ZNF385D: variants seen among roughly 807,000 people sequenced by gnomAD.
ZNF385D encodes zinc finger protein 659.
A neutral mutation model predicts 35.8 loss-of-function variants in ZNF385D; 15 were observed. The ratio of observed to expected loss-of-function variants is 0.42; its 90% CI spans 0.28 to 0.64. The LOEUF is 0.64. Ranked by LOEUF, ZNF385D falls within the 30% of genes least tolerant of loss-of-function variation. The pLI, the probability that ZNF385D is intolerant of heterozygous loss-of-function variation, is 0.23. For missense variants in ZNF385D, 474 were observed against 494.6 expected (o/e 0.96, Z 0.39); for synonymous variants, 212 against 186.8 (o/e 1.13, Z -1.10).
At chr3:21,450,080 C>A (rs557566034) in intron 4 of ZNF385D, among the ~76,000 whole-genome samples, 2 of 152,146 alleles carry the variant, frequency 1.3e-5, no homozygotes, top group Admixed American at 1.3e-4. Flanking sequence ...AATGTATTGA[C>A]CTTGTCAAGT....
intron 3 of ZNF385D, among the ~76,000 whole-genome samples, chr3:22,134,750 C>T (rs1216206056): frequency 6.6e-6 from 1 of 152,072 alleles, no homozygotes; most frequent in Non-Finnish European, 1.5e-5. Flanking sequence ...CCATAGCTGG[C>T]AAGGGCCTCC....
chr3:21,916,247 G>C (rs1575906896), intron 3 of ZNF385D, among the ~76,000 whole-genome samples: 2 of 152,074 alleles, frequency 1.3e-5, no homozygotes, highest in South Asian at 4.1e-4. Flanking sequence ...AAGTAATAAA[G>C]CTTTTCTAGA....
chr3:21,739,590 C>CA (rs1034855091), intron 1 of ZNF385D, among the ~76,000 whole-genome samples: 8 of 152,068 alleles, frequency 5.3e-5, no homozygotes, highest in African/African-American at 1.7e-4. Flanking sequence ...AAGCAGCGAA[C>CA]AAAAAAACAT....
chr3:22,066,642 C>G (rs1319340068), intron 3 of ZNF385D, among the ~76,000 whole-genome samples: 1 of 150,160 alleles, frequency 6.7e-6, no homozygotes, highest in South Asian at 2.1e-4. Flanking sequence ...ATTATAAGAT[C>G]AGGGCAGCTT....
chr3:21,837,371 T>C (rs377166036), intron 3 of ZNF385D, among the ~76,000 whole-genome samples: 6 of 152,250 alleles, frequency 3.9e-5, no homozygotes, highest in East Asian at 3.9e-4. Flanking sequence ...CTCATGTAGC[T>C]GTTTTCAGCT....
intron 2 of ZNF385D, among the ~76,000 whole-genome samples, chr3:22,332,606 T>C (rs1337207165): frequency 6.6e-6 from 1 of 152,114 alleles, no homozygotes; most frequent in Non-Finnish European, 1.5e-5. Flanking sequence ...TTCAGTAAGA[T>C]AATTAAAAAG....
chr3:21,771,388 C>T (rs2071072640), intron 3 of ZNF385D, among the ~76,000 whole-genome samples: 1 of 151,692 alleles, frequency 6.6e-6, no homozygotes, highest in Non-Finnish European at 1.5e-5. Context: ...ATAGAATTTT[C>T]AGAGTTACCA....
intron 3 of ZNF385D, among the ~76,000 whole-genome samples, chr3:22,063,676 C>G (rs1025327785): frequency 6.6e-6 from 1 of 152,166 alleles, no homozygotes; most frequent in Non-Finnish European, 1.5e-5. Context: ...ATGCTGCGTG[C>G]TGATAGCCCT....
At chr3:22,151,053 T>A (rs1705197975) in intron 3 of ZNF385D, among the ~76,000 whole-genome samples, 1 of 152,178 alleles carries the variant, frequency 6.6e-6, no homozygotes, top group African/African-American at 2.4e-5. Context: ...TTTTTTAGAT[T>A]CACTAGTGCA....
intron 3 of ZNF385D, among the ~76,000 whole-genome samples, chr3:22,063,252 T>A (rs1474075867): frequency 3.3e-5 from 5 of 152,172 alleles, no homozygotes; most frequent in African/African-American, 9.7e-5. Context: ...ATTAAACAAT[T>A]TATTGTAGTG....
chr3:22,268,603 T>C (rs2125357349), intron 2 of ZNF385D, among the ~76,000 whole-genome samples: 1 of 152,214 alleles, frequency 6.6e-6, no homozygotes, highest in East Asian at 1.9e-4. Context: ...AAAATTTTAG[T>C]TGCAAGATAA....
At chr3:22,335,819 A>T (rs945672860) in intron 2 of ZNF385D, among the ~76,000 whole-genome samples, 2 of 152,150 alleles carry the variant, frequency 1.3e-5, no homozygotes, top group African/African-American at 4.8e-5. Flanking sequence ...TTAAAATATT[A>T]ATTTGTAAAC....
intron 3 of ZNF385D, among the ~76,000 whole-genome samples, chr3:22,143,454 CA>C (rs1704654155): frequency 6.6e-6 from 1 of 152,124 alleles, no homozygotes; most frequent in Non-Finnish European, 1.5e-5. Context: ...ACCTTTTTCA[CA>C]CTCCCACACC....
At chr3:22,120,457 A>G (rs1354384676) in intron 3 of ZNF385D, among the ~76,000 whole-genome samples, 2 of 152,112 alleles carry the variant, frequency 1.3e-5, no homozygotes, top group Non-Finnish European at 2.9e-5. Flanking sequence ...TACTTTTTTA[A>G]GAGTTCTATC....
At chr3:21,867,936 C>T (rs1490423036) in intron 3 of ZNF385D, among the ~76,000 whole-genome samples, 1 of 152,120 alleles carries the variant, frequency 6.6e-6, no homozygotes, top group Non-Finnish European at 1.5e-5. Flanking sequence ...TAAATTTACA[C>T]AACCACATAT....
At chr3:21,880,936 C>G (rs1698245743) in intron 3 of ZNF385D, among the ~76,000 whole-genome samples, 1 of 151,986 alleles carries the variant, frequency 6.6e-6, no homozygotes. Context: ...AAGCCAAAGC[C>G]TAATCCAGAG....
At chr3:21,904,109 C>T (rs757257583) in intron 3 of ZNF385D, among the ~76,000 whole-genome samples, 1 of 151,766 alleles carries the variant, frequency 6.6e-6, no homozygotes, top group African/African-American at 2.4e-5. Context: ...TTGAGACCAT[C>T]CTGGACAACA....
At chr3:22,091,925 G>T (rs967796695) in intron 3 of ZNF385D, among the ~76,000 whole-genome samples, 2 of 152,260 alleles carry the variant, frequency 1.3e-5, no homozygotes, top group South Asian at 4.1e-4. Flanking sequence ...AATTTGAGGA[G>T]TAATTAATAT....
chr3:21,636,387 TATATATATATATATATATATATATATA>T lies in ZNF385D; in HGVS notation c.165+28472_165+28498del, dbSNP rs1240908204. ...GATTATATATATATGATTATATATATATATATATATATATATATATATATATAGAGTTTCTTAAGGAGTATTAACTCA... is the reference window on the plus strand; with the variant it reads ...GATTATATATATATGATTATATATATGAGTTTCTTAAGGAGTATTAACTCA... On this transcript the variant is annotated intron_variant, in intron 2 of 7. Coordinates refer to ENST00000281523, the MANE Select transcript of ZNF385D (RefSeq NM_024697.3). Among the ~76,000 whole-genome samples the T allele has an allele frequency of 5.3e-3, 191 of 36,088 alleles. 7 individuals are homozygous for T. The highest frequency in any genetic ancestry group is 0.024 in the African/African-American group (186 of 7,792). The allele number at this position is 36,088 out of a possible 152,430, so 23.7% of individuals were successfully genotyped here.
Sources: gnomAD v4.1 joint callset for allele counts (sites outside exome capture counted in the v4.1 genomes callset) on GRCh38, gnomAD v4.1.1 for gene constraint, MANE v1.5 for transcripts, NCBI Gene and HGNC (gene_info 2026-07-23, HGNC 2026-07-21) for gene names.